Variants in NEGR1 observed in about 807,000 individuals in gnomAD.
NEGR1 encodes the protein neuronal growth regulator 1.
A neutral mutation model predicts 40.9 loss-of-function variants in NEGR1; 10 were observed. That is an observed-to-expected ratio of 0.24 (90% CI 0.15 to 0.42). The LOEUF (loss-of-function observed/expected upper bound fraction) is 0.42. Among genes scored for constraint, NEGR1 ranks in the 10% least tolerant of loss-of-function variants. The probability of loss-of-function intolerance (pLI) is 1.00; values close to 1 mark genes in which losing one functional copy is unlikely to be tolerated. For synonymous variants in NEGR1, 185 were observed against 166.8 expected, an observed-to-expected ratio of 1.11 and a Z score of -0.84; for missense variants, 352 against 438.9, an observed-to-expected ratio of 0.80 and a Z score of 1.77.
chr1:71,831,805 G>GA lies in NEGR1; in HGVS notation c.410-55509dup, dbSNP rs10552883. On this transcript the variant is annotated intron_variant, in intron 2 of 6. Transcript: ENST00000357731. ...AGGATATTTTGGGCTGAGACAAAAAGAAAAAAAAAAAACGCAATGAGGCAA... is the reference window on the plus strand; with the variant it reads ...AGGATATTTTGGGCTGAGACAAAAAGAAAAAAAAAAAAACGCAATGAGGCAA... 2.8e-3 allele frequency among the ~76,000 whole-genome samples: 419 copies of GA among 147,790 alleles called. 1 individual carries two copies. Among genetic ancestry groups the GA allele is most frequent in the African/African-American group, 9.2e-3 (369 of 40,256 alleles).
chr1:71,882,778 A>G (rs1660617682), intron 2 of NEGR1, among the ~76,000 whole-genome samples: 1 of 150,212 alleles, frequency 6.7e-6, no homozygotes, highest in Non-Finnish European at 1.5e-5. Context: ...TAATTTCAGT[A>G]GTTCTCAGTC....
intron 3 of NEGR1, among the ~76,000 whole-genome samples, chr1:71,733,164 G>A (rs549537938): frequency 3.3e-5 from 5 of 151,530 alleles, no homozygotes; most frequent in African/African-American, 9.7e-5. Context: ...TGATTTTAGC[G>A]TCAGAGATTA....
intron 4 of NEGR1, among the ~76,000 whole-genome samples, chr1:71,694,435 A>T (rs1279228111): frequency 1.3e-5 from 2 of 151,788 alleles, no homozygotes; most frequent in East Asian, 3.9e-4. Context: ...GAAATAACCC[A>T]TTGCATTAAT....
intron 1 of NEGR1, among the ~76,000 whole-genome samples, chr1:72,001,037 G>A (rs1646553150): frequency 6.6e-6 from 1 of 152,066 alleles, no homozygotes. Context: ...CCCGACACAT[G>A]TGTAGTAAAG....
At chr1:71,688,371 T>TATAAAAAAAATATATATAAG (rs1553158636) in intron 4 of NEGR1, among the ~76,000 whole-genome samples, 1 of 95,120 alleles carries the variant, frequency 1.1e-5, no homozygotes, top group Non-Finnish European at 2.1e-5. Flanking sequence ...ATATATGAGA[T>TATAAAAAAAATATATATAAG]ATATACATAA....
At chr1:72,036,655 C>CAA (rs71723530) in intron 1 of NEGR1, among the ~76,000 whole-genome samples, 3 of 107,922 alleles carry the variant, frequency 2.8e-5, no homozygotes, top group South Asian at 2.9e-4. Context: ...GACTCCATCT[C>CAA]AAAAAAAAAA....
intron 6 of NEGR1, among the ~76,000 whole-genome samples, chr1:71,573,996 C>T (rs1557572268): frequency 6.6e-6 from 1 of 152,110 alleles, no homozygotes; most frequent in Non-Finnish European, 1.5e-5. Context: ...TTGTTGTTCC[C>T]TGTTTTGTTG....
chr1:72,063,103 A>C (rs1291867038), intron 1 of NEGR1, among the ~76,000 whole-genome samples: 1 of 151,986 alleles, frequency 6.6e-6, no homozygotes, highest in Non-Finnish European at 1.5e-5. Flanking sequence ...AAATCTGTTC[A>C]GTCCCAGTTT....
At chr1:72,189,323 GACTTCTTCTC>G (rs1652729200) in intron 1 of NEGR1, among the ~76,000 whole-genome samples, 1 of 151,422 alleles carries the variant, frequency 6.6e-6, no homozygotes, top group African/African-American at 2.4e-5. Context: ...TGGAATTTCA[GACTTCTTCTC>G]ACTTCTTCAA....
intron 1 of NEGR1, among the ~76,000 whole-genome samples, chr1:71,981,810 G>A (rs1413500106): frequency 1.3e-5 from 2 of 151,970 alleles, no homozygotes; most frequent in Non-Finnish European, 2.9e-5. Flanking sequence ...AGAAGGGTTA[G>A]AGGCTTCATG....
chr1:71,484,283 C>T (rs2101376037), intron 6 of NEGR1, among the ~76,000 whole-genome samples: 1 of 151,622 alleles, frequency 6.6e-6, no homozygotes, highest in South Asian at 2.1e-4. Context: ...GAATATTATT[C>T]ACCTTCATGC....
chr1:72,260,237 C>T (rs1570190195), intron 1 of NEGR1, among the ~76,000 whole-genome samples: 1 of 151,900 alleles, frequency 6.6e-6, no homozygotes, highest in Non-Finnish European at 1.5e-5. Context: ...TTTAGCTTCC[C>T]GCAAAGGGTT....
At chr1:71,777,859 T>C (rs182622551) in intron 2 of NEGR1, among the ~76,000 whole-genome samples, 1 of 152,172 alleles carries the variant, frequency 6.6e-6, no homozygotes, top group East Asian at 1.9e-4. Context: ...ACTGTAACTG[T>C]TTCCAAATGA....
At chr1:71,509,645 G>C (rs1647059977) in intron 6 of NEGR1, among the ~76,000 whole-genome samples, 1 of 152,152 alleles carries the variant, frequency 6.6e-6, no homozygotes, top group South Asian at 2.1e-4. Flanking sequence ...AAACTGGAGA[G>C]ATCTAACAAA....
intron 1 of NEGR1, among the ~76,000 whole-genome samples, chr1:72,061,832 C>A (rs980345430): frequency 6.6e-6 from 1 of 151,774 alleles, no homozygotes; most frequent in Non-Finnish European, 1.5e-5. Context: ...AAAGTCACTC[C>A]ATTATGCCAC....
At chr1:71,874,562 T>C (rs1660370930) in intron 2 of NEGR1, among the ~76,000 whole-genome samples, 1 of 152,108 alleles carries the variant, frequency 6.6e-6, no homozygotes, top group South Asian at 2.1e-4. Flanking sequence ...TGTATCTTCT[T>C]CTCTATTATT....
intron 1 of NEGR1, among the ~76,000 whole-genome samples, chr1:72,118,121 C>G (rs1649651852): frequency 6.6e-6 from 1 of 151,760 alleles, no homozygotes; most frequent in Non-Finnish European, 1.5e-5. Flanking sequence ...AGATTTGTGT[C>G]CCACTATAAC....
intron 2 of NEGR1, among the ~76,000 whole-genome samples, chr1:71,887,857 C>T (rs962099232): frequency 1.3e-5 from 2 of 151,996 alleles, no homozygotes; most frequent in African/African-American, 4.8e-5. Context: ...TGGAAACAAC[C>T]TTTTCCATTT....
At chr1:72,258,913 TTAATTTA>T (rs1268446846) in intron 1 of NEGR1, among the ~76,000 whole-genome samples, 1 of 152,188 alleles carries the variant, frequency 6.6e-6, no homozygotes, top group Non-Finnish European at 1.5e-5. Context: ...TGGTCATCTT[TTAATTTA>T]TAATTCTCCA....
Sources: allele counts gnomAD v4.1 joint callset (sites outside exome capture counted in the v4.1 genomes callset), GRCh38; gene constraint gnomAD v4.1.1; transcripts MANE v1.5; gene names NCBI Gene and HGNC (gene_info 2026-07-23, HGNC 2026-07-21).